Variants in LDLRAD3 observed in about 807,000 individuals in gnomAD.
The protein encoded by LDLRAD3 is low-density lipoprotein receptor class A domain-containing protein 3.
LDLRAD3 carries 20 observed loss-of-function variants against 29.4 expected under a neutral mutation model. The ratio of observed to expected loss-of-function variants is 0.68; its 90% confidence interval spans 0.48 to 0.99. The LOEUF is 0.99. LDLRAD3 is among the 50% of genes least tolerant of loss of function. LDLRAD3 has a pLI of 0.00. For missense variants in LDLRAD3, 420 were observed against 454.3 expected, an observed-to-expected ratio of 0.92 and a Z score of 0.69; for synonymous variants, 157 against 192.7, an observed-to-expected ratio of 0.81 and a Z score of 1.53.
intron 4 of LDLRAD3, among the ~76,000 whole-genome samples, chr11:36,188,371 CAAAAAAAAAA>C (rs57049829): frequency 5.6e-4 from 35 of 62,040 alleles, no homozygotes; most frequent in African/African-American, 1.7e-3. Context: ...GGAAAACCAG[CAAAAAAAAAA>C]AAAAAAAAAA....
chr11:35,958,548 GTCAATTCTTGAGGGC>G (rs1851235536), intron 1 of LDLRAD3, among the ~76,000 whole-genome samples: 1 of 152,056 alleles, frequency 6.6e-6, no homozygotes, highest in African/African-American at 2.4e-5. Context: ...TTTGGTGTAG[GTCAATTCTTGAGGGC>G]CCTCCTTTTC....
At chr11:36,187,218 A>G (rs1451838662) in intron 4 of LDLRAD3, among the ~76,000 whole-genome samples, 2 of 152,148 alleles carry the variant, frequency 1.3e-5, no homozygotes, top group Non-Finnish European at 2.9e-5. Context: ...TAACCTATGC[A>G]TATTATGAGA....
At chr11:36,149,103 A>G (rs980307251) in intron 4 of LDLRAD3, among the ~76,000 whole-genome samples, 2 of 152,216 alleles carry the variant, frequency 1.3e-5, no homozygotes, top group Non-Finnish European at 2.9e-5. Flanking sequence ...GGACAGACTC[A>G]TGCCCACATG....
rs1885668 is a variant in LDLRAD3, at chr11:35,998,260, T to C, written c.47-37843T>C. On this transcript the variant is annotated intron_variant, in intron 1 of 5. Transcript: ENST00000315571. The stretch of plus-strand genomic sequence containing the variant: ...AATATGTGTTTGTTTTTTGTTCTTG[T>C]TGTCTGTCAGAGATTATCATCTGTT... 4.3e-3 allele frequency among the ~76,000 whole-genome samples: 652 copies of C among 152,326 alleles called. 5 individuals carry two copies. Among genetic ancestry groups the C allele is most frequent in the African/African-American group, 0.015 (606 of 41,554 alleles).
rs1466291713 is a variant in LDLRAD3, at chr11:36,121,203, A to C, written c.454+22742A>C. Among the ~76,000 whole-genome samples, 3 of 152,324 alleles carry C rather than the reference A, an allele frequency of 2.0e-5. No individual in the cohort carries two copies. In the East Asian group the frequency reaches 5.8e-4, roughly 29 times the overall value. On this transcript the variant is annotated intron_variant, in intron 4 of 5. Transcript: ENST00000315571. ...TAATCCAGACAGAGCAGCAGTGGCCAAGGGAAGGGAGGATTGATTTATGGG... is the reference window on the plus strand; with the variant it reads ...TAATCCAGACAGAGCAGCAGTGGCCCAGGGAAGGGAGGATTGATTTATGGG...
At chr11:36,223,263 G>A (rs1278014022) in intron 4 of LDLRAD3, among the ~76,000 whole-genome samples, 1 of 152,116 alleles carries the variant, frequency 6.6e-6, no homozygotes, top group Non-Finnish European at 1.5e-5. Context: ...GCCTGCTTTC[G>A]GAGACATAAG....
intron 4 of LDLRAD3, among the ~76,000 whole-genome samples, chr11:36,141,743 G>A (rs763969291): frequency 4.6e-5 from 7 of 152,260 alleles, no homozygotes; most frequent in South Asian, 2.1e-4. Context: ...AGGTGCCCCC[G>A]GCCCGAGCAG....
At chr11:36,105,460 A>G (rs1428708903) in intron 4 of LDLRAD3, among the ~76,000 whole-genome samples, 1 of 152,038 alleles carries the variant, frequency 6.6e-6, no homozygotes, top group Admixed American at 6.5e-5. Context: ...TTAATGTCCT[A>G]AACCCCAGTG....
chr11:35,969,082 T>A (rs1175606923), intron 1 of LDLRAD3, among the ~76,000 whole-genome samples: 2 of 151,968 alleles, frequency 1.3e-5, no homozygotes, highest in African/African-American at 4.8e-5. Flanking sequence ...GGGGGGCACT[T>A]CCCCCTCAGG....
chr11:35,951,910 T>C lies in LDLRAD3; in HGVS notation c.46+7766T>C, dbSNP rs558378855. Among the ~76,000 whole-genome samples the C allele has an allele frequency of 1.4e-4, 22 of 152,354 alleles. 1 individual carries two copies. Among genetic ancestry groups the C allele is most frequent in the South Asian group, 8.3e-4 (4 of 4,828 alleles). ...CCGCCCACCCTGTGCTTTTAGAAGA[T>C]GCAGTTGGCCATTAGGTACATCCTG... On this transcript the variant is annotated intron_variant, in intron 1 of 5. Transcript: ENST00000315571.
intron 4 of LDLRAD3, among the ~76,000 whole-genome samples, chr11:36,180,630 G>A (rs1854746903): frequency 6.6e-6 from 1 of 152,138 alleles, no homozygotes; most frequent in Non-Finnish European, 1.5e-5. Context: ...TTGAGTGGAG[G>A]AGTACCCTCA....
intron 4 of LDLRAD3, among the ~76,000 whole-genome samples, chr11:36,117,990 G>C (rs1366242234): frequency 6.6e-6 from 1 of 152,198 alleles, no homozygotes; most frequent in Non-Finnish European, 1.5e-5. Flanking sequence ...TCTAGTTATA[G>C]TGATCCTTAA....
At chr11:36,200,315 A>G (rs1293561557) in intron 4 of LDLRAD3, among the ~76,000 whole-genome samples, 3 of 152,138 alleles carry the variant, frequency 2.0e-5, no homozygotes, top group African/African-American at 7.2e-5. Flanking sequence ...CCAGCTTTTC[A>G]TGGCGTCCTC....
rs148158776 is a variant in LDLRAD3, at chr11:36,045,964, C to T, written c.193+9715C>T. 6.3e-4 allele frequency among the ~76,000 whole-genome samples: 96 copies of T among 152,126 alleles called. 1 individual carries two copies. In the East Asian group the frequency reaches 0.015, roughly 24 times the overall value. On this transcript the variant is annotated intron_variant, in intron 2 of 5. Coordinates refer to ENST00000315571, the MANE Select transcript of LDLRAD3 (RefSeq NM_174902.4). ...TTTGTCCTAATGCTCTCCCTCCCTT[C>T]GTCCCCCACCCCCAACAGGCCCCAG...
intron 1 of LDLRAD3, among the ~76,000 whole-genome samples, chr11:36,020,833 C>T (rs956610001): frequency 2.0e-5 from 3 of 152,150 alleles, no homozygotes; most frequent in Admixed American, 1.3e-4. Context: ...CAGCATGTGA[C>T]GTGGTCAGAT....
At chr11:36,045,547 A>C (rs1203022137) in intron 2 of LDLRAD3, among the ~76,000 whole-genome samples, 1 of 151,998 alleles carries the variant, frequency 6.6e-6, no homozygotes, top group Non-Finnish European at 1.5e-5. Flanking sequence ...TACTTTGGCC[A>C]CTGATTAGCT....
At chr11:36,214,126 A>G (rs999752691) in intron 4 of LDLRAD3, among the ~76,000 whole-genome samples, 1 of 152,236 alleles carries the variant, frequency 6.6e-6, no homozygotes, top group East Asian at 1.9e-4. Flanking sequence ...GACAGGATTT[A>G]GGCACTAGTC....
At chr11:36,051,387 T>C (rs1184505572) in intron 2 of LDLRAD3, among the ~76,000 whole-genome samples, 1 of 152,188 alleles carries the variant, frequency 6.6e-6, no homozygotes, top group Non-Finnish European at 1.5e-5. Flanking sequence ...ATGCTCTACC[T>C]CTACCTAGCT....
At chr11:35,946,049 C>T (rs1851053087) in intron 1 of LDLRAD3, among the ~76,000 whole-genome samples, 1 of 152,152 alleles carries the variant, frequency 6.6e-6, no homozygotes, top group South Asian at 2.1e-4. Context: ...GTGCATCTTT[C>T]ATGTTACATT....
Sources: gnomAD v4.1 joint callset for allele counts (sites outside exome capture counted in the v4.1 genomes callset) on GRCh38, gnomAD v4.1.1 for gene constraint, MANE v1.5 for transcripts, NCBI Gene and HGNC (gene_info 2026-07-23, HGNC 2026-07-21) for gene names.